Variants in LIX1 observed in about 807,000 individuals in gnomAD.
The protein encoded by LIX1 is protein limb expression 1 homolog.
Under a neutral mutation model 33.4 loss-of-function variants are expected in LIX1, and 24 were observed. That is an observed-to-expected ratio of 0.72 (90% CI 0.52 to 1.01). The LOEUF (loss-of-function observed/expected upper bound fraction) is 1.01. Ranked by LOEUF, LIX1 falls within the 50% of genes least tolerant of loss-of-function variation. The pLI is 0.00. For synonymous variants in LIX1, 124 were observed against 124.0 expected, an observed-to-expected ratio of 1.00 and a Z score of 0.00; for missense variants, 311 against 339.2, an observed-to-expected ratio of 0.92 and a Z score of 0.65.
chr5:97,113,141 A>T (rs1361418078), intron 2 of LIX1, among the ~76,000 whole-genome samples: 1 of 152,244 alleles, frequency 6.6e-6, no homozygotes, highest in Admixed American at 6.5e-5. Context: ...AAGGAAAGGC[A>T]TACATGGCAG....
At position 97,093,742 on chromosome 5, in the gene LIX1, G is replaced by T. The variant is rs1746194515; in HGVS notation, c.*1006C>A. 6.6e-6 allele frequency: 1 copy of T among 152,130 alleles called. No individual in the cohort carries two copies. The highest frequency in any genetic ancestry group is 2.4e-5 in the African/African-American group (1 of 41,358). 9.4% of individuals were successfully genotyped at this position (152,130 alleles called of 1,614,324 possible). ...TCCTTCCTTTAAAGAAGATTCCAGT[G>T]ACTTAAACTTAATAATGATACTACA... On this transcript the variant is annotated 3_prime_UTR_variant, in exon 6 of 6. Transcript: ENST00000274382.
rs1308256806 is a variant in LIX1, at chr5:97,094,281, A to T, written c.*467T>A. 6.3e-6 allele frequency: 1 copy of T among 158,160 alleles called. No homozygotes were observed. Among genetic ancestry groups the T allele is most frequent in the Non-Finnish European group, 1.4e-5 (1 of 71,496 alleles). 9.8% of individuals were successfully genotyped at this position (158,160 alleles called of 1,614,324 possible). A position where few individuals can be genotyped will look rare whatever the true frequency, so the allele number is the denominator to read the frequency against. On this transcript the variant is annotated 3_prime_UTR_variant, in exon 6 of 6. Transcript: ENST00000274382. ...CTTAGCTTACAAAGCTTAGAAAGAG[A>T]CTCTGATCCTTGGATATTTTTTAAA...
chr5:97,098,612 C>T lies in LIX1; in HGVS notation c.484-1725G>A, dbSNP rs1441528246. The stretch of plus-strand genomic sequence containing the variant: ...ATTCAAAAAAGCTTTTAGCTGGGCA[C>T]GGTGGTGTGTGCCTATAGTTCTAGC... On this transcript the variant is annotated intron_variant, in intron 4 of 5. Transcript: ENST00000274382. Among the ~76,000 whole-genome samples, 5 of 152,214 alleles carry T rather than the reference C, an allele frequency of 3.3e-5. No homozygotes were observed. The East Asian group carries it at 7.7e-4, about 23-fold the overall frequency.
At chr5:97,122,175 G>C (rs1456637939) in intron 2 of LIX1, among the ~76,000 whole-genome samples, 1 of 152,176 alleles carries the variant, frequency 6.6e-6, no homozygotes, top group Non-Finnish European at 1.5e-5. Flanking sequence ...AGTGGGGAAG[G>C]CAACACCTCA....
At chr5:97,109,710 A>G (rs942788040) in intron 2 of LIX1, among the ~76,000 whole-genome samples, 1 of 152,058 alleles carries the variant, frequency 6.6e-6, no homozygotes, top group Non-Finnish European at 1.5e-5. Flanking sequence ...TATACTCTGT[A>G]TCCAATATGT....
At chr5:97,104,977 A>C (rs1746934238) in intron 4 of LIX1, among the ~76,000 whole-genome samples, 1 of 152,200 alleles carries the variant, frequency 6.6e-6, no homozygotes, top group Non-Finnish European at 1.5e-5. Flanking sequence ...TATAAAAGCA[A>C]AGATTGTTTC....
chr5:97,139,157 T>C (rs1748232049), intron 1 of LIX1, among the ~76,000 whole-genome samples: 1 of 152,200 alleles, frequency 6.6e-6, no homozygotes, highest in South Asian at 2.1e-4. Flanking sequence ...TGAGTGACCT[T>C]GGGCACGTCA....
At chr5:97,109,553 A>T (rs1433891928) in intron 2 of LIX1, among the ~76,000 whole-genome samples, 1 of 151,848 alleles carries the variant, frequency 6.6e-6, no homozygotes, top group East Asian at 1.9e-4. Context: ...TGGCCCCCTC[A>T]TATATTTATT....
chr5:97,112,379 C>A (rs1385470103), intron 2 of LIX1, among the ~76,000 whole-genome samples: 1 of 152,198 alleles, frequency 6.6e-6, no homozygotes, highest in African/African-American at 2.4e-5. Context: ...GTGTCCAAAC[C>A]AGTCGTCAAA....
intron 2 of LIX1, among the ~76,000 whole-genome samples, chr5:97,121,732 C>T (rs1747789430): frequency 1.3e-5 from 2 of 151,998 alleles, no homozygotes; most frequent in South Asian, 4.1e-4. Flanking sequence ...TGTTTGCTTG[C>T]CTTTGGTCTT....
Position 97,142,527 on chromosome 5 carries a change from G to C in LIX1, c.50C>G (p.Pro17Arg). The change falls in exon 1 of 6, where the codon CCT (proline) becomes CGT (arginine). Residue 17 changes from proline to arginine, a missense_variant. Pro to Arg is a moderately radical substitution (Grantham distance 103). Coordinates refer to ENST00000274382, the MANE Select transcript of LIX1 (RefSeq NM_153234.5). The part of the protein sequence containing the change: ...SLRHIIAQVL[P>R]HRDPALVFKD... ...GAAGACTAGAGCCGGATCTCTGTGA[G>C]GCAAGACTTGGGCAATGATGTGTCT... 6.2e-7 allele frequency: 1 copy of C among 1,614,044 alleles called. No homozygotes were observed. The highest frequency in any genetic ancestry group is 8.5e-7 in the Non-Finnish European group (1 of 1,179,924).
chr5:97,120,560 C>G (rs1389906749), intron 2 of LIX1, among the ~76,000 whole-genome samples: 2 of 152,024 alleles, frequency 1.3e-5, no homozygotes, highest in Non-Finnish European at 2.9e-5. Context: ...TTTGTGGAGT[C>G]CTGGAAGATG....
At chr5:97,142,428 G>T in intron 1 of LIX1, 67 bp downstream of exon 1, 1 of 1,061,120 alleles carries the variant, frequency 9.4e-7, no homozygotes, top group Non-Finnish European at 1.5e-6. Flanking sequence ...TACTTAAATA[G>T]GATGTGACTT....
chr5:97,138,162 C>A lies in LIX1; in HGVS notation c.82+4333G>T, dbSNP rs150618297. On this transcript the variant is annotated intron_variant, in intron 1 of 5. Coordinates refer to ENST00000274382, the MANE Select transcript of LIX1 (RefSeq NM_153234.5). ...AATTTTTCAACGCTTAGTAAAGGAT[C>A]CATCTTACTTTTTCATTATAAAATT... is the stretch of plus-strand genomic sequence containing the variant. Among the ~76,000 whole-genome samples, 153 of 152,288 alleles carry A rather than the reference C, an allele frequency of 1.0e-3. 1 individual carries two copies. Among genetic ancestry groups the A allele is most frequent in the African/African-American group, 3.5e-3 (145 of 41,554 alleles).
chr5:97,110,411 A>C (rs1444619360), intron 2 of LIX1, among the ~76,000 whole-genome samples: 2 of 152,204 alleles, frequency 1.3e-5, no homozygotes, highest in Non-Finnish European at 2.9e-5. Flanking sequence ...TATAACTTAC[A>C]ATAAAGAGTG....
intron 1 of LIX1, among the ~76,000 whole-genome samples, chr5:97,127,282 A>G (rs531137400): frequency 1.2e-4 from 18 of 152,364 alleles, no homozygotes; most frequent in African/African-American, 4.1e-4. Context: ...ATGCATGATA[A>G]TCTAGGGAAA....
intron 2 of LIX1, among the ~76,000 whole-genome samples, chr5:97,120,888 A>G (rs948512151): frequency 6.6e-6 from 1 of 152,212 alleles, no homozygotes; most frequent in Non-Finnish European, 1.5e-5. Flanking sequence ...AAGAGTTCCC[A>G]GAAAGTAGTC....
Position 97,096,829 on chromosome 5 carries a change from T to G in LIX1, c.542A>C (p.Glu181Ala). 1 of 1,613,954 alleles carries G rather than the reference T, an allele frequency of 6.2e-7. No individual in the cohort carries two copies. Among genetic ancestry groups the G allele is most frequent in the Non-Finnish European group, 8.5e-7 (1 of 1,179,820 alleles). Residue 181 changes from glutamate to alanine, a missense_variant, in exon 5 of 6, where the codon GAA becomes GCA. Transcript: ENST00000274382. ...HWNGSLKALR[E>A]TKCSRQEVIS... ...TCTTACCTGTCGGGAACACTTTGTT[T>G]CACGAAGGGCTTTTAGGCTTCCATT...
Position 97,094,481 on chromosome 5 carries a change from G to A in LIX1, c.*267C>T. On this transcript the variant is annotated 3_prime_UTR_variant, in exon 6 of 6. Transcript: ENST00000274382. ...CAGGCTTTAGGTTGGAGCCAGGCCT[G>A]GAAAATGTTTTTCAAACAATTTTGT... The A allele has an allele frequency of 2.2e-6, 1 of 449,474 alleles. No homozygotes were observed. Among genetic ancestry groups the A allele is most frequent in the South Asian group, 3.8e-5 (1 of 26,532 alleles). The allele number at this position is 449,474 out of a possible 1,614,324, so 27.8% of individuals were successfully genotyped here.
Sources: allele counts gnomAD v4.1 joint callset (sites outside exome capture counted in the v4.1 genomes callset), GRCh38; gene constraint gnomAD v4.1.1; transcripts MANE v1.5; gene names NCBI Gene and HGNC (gene_info 2026-07-23, HGNC 2026-07-21).